The following SMARCA2 variants were observed in gnomAD, a reference collection of about 807,000 sequenced individuals.
SMARCA2 encodes the protein SWI/SNF related BAF chromatin remodeling complex subunit ATPase 2.
A neutral mutation model predicts 199.8 loss-of-function variants in SMARCA2; 61 were observed. The observed-to-expected ratio is 0.31, with a 90% confidence interval of 0.25 to 0.38. The LOEUF is 0.38. SMARCA2 is among the 10% of genes least tolerant of loss of function. SMARCA2 has a pLI of 1.00. For missense variants in SMARCA2, 1,344 were observed against 2,012.2 expected, an observed-to-expected ratio of 0.67 and a Z score of 6.35; for synonymous variants, 935 against 732.0, an observed-to-expected ratio of 1.28 and a Z score of -4.48.
intron 27 of SMARCA2, among the ~76,000 whole-genome samples, chr9:2,139,928 A>C (rs143278754): frequency 6.6e-6 from 1 of 152,244 alleles, no homozygotes; most frequent in African/African-American, 2.4e-5. Context: ...TCATCCTTGC[A>C]TGAAGGTTAA....
intron 28 of SMARCA2, among the ~76,000 whole-genome samples, chr9:2,168,770 T>C (rs924595841): frequency 5.3e-5 from 8 of 152,226 alleles, no homozygotes; most frequent in Non-Finnish European, 8.8e-5. Context: ...TATTTTTTTT[T>C]CCCCAAGCCA....
chr9:2,032,897 A>T lies in SMARCA2; in HGVS notation c.226-55A>T, dbSNP rs557073252. On this transcript the variant is annotated intron_variant, in intron 2 of 33. Coordinates refer to ENST00000349721, the MANE Select transcript of SMARCA2 (RefSeq NM_003070.5). Reference sequence around the variant, plus strand: ...TTAGGAAGGGGTCTGAAAACTCCAAATAGAAATATTTTACCTTATAGAGGT... The same window carrying T: ...TTAGGAAGGGGTCTGAAAACTCCAATTAGAAATATTTTACCTTATAGAGGT... 24 of 1,545,358 alleles carry T rather than the reference A, an allele frequency of 1.6e-5. No homozygotes were observed. In the African/African-American group the frequency reaches 2.5e-4, roughly 16 times the overall value.
At chr9:2,132,710 A>G (rs1322655869) in intron 27 of SMARCA2, among the ~76,000 whole-genome samples, 1 of 152,248 alleles carries the variant, frequency 6.6e-6, no homozygotes, top group Non-Finnish European at 1.5e-5. Flanking sequence ...CCTAGAAAAT[A>G]GATTTGGGTT....
chr9:2,094,620 T>C (rs997855822), intron 19 of SMARCA2, among the ~76,000 whole-genome samples: 3 of 152,112 alleles, frequency 2.0e-5, no homozygotes, highest in Non-Finnish European at 4.4e-5. Context: ...CTTAAAAGAG[T>C]GGATTCTATT....
chr9:2,111,735 T>C (rs1314832057), intron 24 of SMARCA2, among the ~76,000 whole-genome samples: 1 of 152,146 alleles, frequency 6.6e-6, no homozygotes, highest in Non-Finnish European at 1.5e-5. Flanking sequence ...GCCTGCTTTC[T>C]GTTCCCTGCC....
chr9:2,148,122 A>G (rs1824862449), intron 27 of SMARCA2, among the ~76,000 whole-genome samples: 1 of 151,720 alleles, frequency 6.6e-6, no homozygotes, highest in Admixed American at 6.6e-5. Flanking sequence ...AAAGAAACTC[A>G]CCTTTTTGGA....
intron 17 of SMARCA2, chr9:2,085,990 G>A (rs984181300): frequency 2.0e-5 from 3 of 152,228 alleles, no homozygotes; most frequent in African/African-American, 2.4e-5. Flanking sequence ...GGAGGACTGG[G>A]CCATATAAGC....
Position 2,118,038 on chromosome 9 carries a change from G to T in SMARCA2, c.3685-1420G>T, listed in dbSNP as rs1823286308. ...TTCCAGCTATTTGGTTTTCCATGAA[G>T]GTCATAAACAGGCACTTTACAAGAG... On this transcript the variant is annotated intron_variant, in intron 25 of 33. Transcript: ENST00000349721. Among the ~76,000 whole-genome samples the T allele has an allele frequency of 3.3e-5, 5 of 152,188 alleles. 1 individual carries two copies. Among genetic ancestry groups the T allele is most frequent in the Admixed American group, 3.3e-4 (5 of 15,280 alleles).
chr9:2,091,896 C>T (rs777236585), intron 19 of SMARCA2, among the ~76,000 whole-genome samples: 52 of 152,190 alleles, frequency 3.4e-4, no homozygotes, highest in Non-Finnish European at 7.1e-4. Context: ...GAAACTAAAG[C>T]AGGTATATAA....
At position 2,056,559 on chromosome 9, in the gene SMARCA2, T is replaced by G. The variant is rs1820362859; in HGVS notation, c.1174-113T>G. 3 of 874,864 alleles carry G rather than the reference T, an allele frequency of 3.4e-6. No homozygotes were observed. Among genetic ancestry groups the G allele is most frequent in the Non-Finnish European group, 5.2e-6 (3 of 580,092 alleles). 54.2% of individuals were successfully genotyped at this position (874,864 alleles called of 1,614,324 possible). ...TACAAACCAAAGGTGATTGAGAAGC[T>G]TGTGGAGATTCCCCGCCCCACTCTA... On this transcript the variant is annotated intron_variant, in intron 6 of 33. Transcript: ENST00000349721. This position sits in a 1 kb window ranked among gnomAD's most constrained non-coding sequence, Gnocchi z 4.0.
Position 2,096,759 on chromosome 9 carries a change from A to C in SMARCA2, c.2986A>C (p.Lys996Gln). 1 of 1,601,060 alleles carries C rather than the reference A, an allele frequency of 6.2e-7. No individual in the cohort carries two copies. Among genetic ancestry groups the C allele is most frequent in the Non-Finnish European group, 8.6e-7 (1 of 1,168,040 alleles). ...ILLTDGSEKD[K>Q]KGKGGAKTLM... ...TCTCACAGATGGTTCTGAGAAAGATAAGAAGGTACGTTGCGAAAGATGATG... is the reference window on the plus strand; with the variant it reads ...TCTCACAGATGGTTCTGAGAAAGATCAGAAGGTACGTTGCGAAAGATGATG... Residue 996 changes from lysine to glutamine, a missense_variant, in exon 20 of 34, where the codon AAG (lysine) becomes CAG (glutamine). Lys to Gln is a moderately conservative substitution (Grantham distance 53). This residue lies in a region of SMARCA2 where 98 missense variants were observed against 245.6 expected (regional missense o/e 0.40). Transcript: ENST00000349721.
chr9:2,089,758 G>A (rs965921812), intron 19 of SMARCA2, among the ~76,000 whole-genome samples: 3 of 152,190 alleles, frequency 2.0e-5, no homozygotes, highest in Non-Finnish European at 4.4e-5. Flanking sequence ...TCAAGATGGA[G>A]TTTAGTTACT....
At position 2,170,273 on chromosome 9, in the gene SMARCA2, A is replaced by C; in HGVS notation, c.4200-146A>C. The C allele has an allele frequency of 1.0e-6, 1 of 958,278 alleles. No homozygotes were observed. Among genetic ancestry groups the C allele is most frequent in the African/African-American group, 1.7e-5 (1 of 60,484 alleles). The allele number at this position is 958,278 out of a possible 1,614,324, so 59.4% of individuals were successfully genotyped here. On this transcript the variant is annotated intron_variant, in intron 28 of 33. Coordinates refer to ENST00000349721, the MANE Select transcript of SMARCA2 (RefSeq NM_003070.5). This position sits in a 1 kb window ranked among gnomAD's most constrained non-coding sequence, Gnocchi z 4.7. ...ATGTTATTTTTCCGAATGAGGTTCC[A>C]AACATAACCCCGTGTAATCTTCCTA...
At chr9:2,088,431 C>A in intron 18 of SMARCA2, 69 bp from the exon 19 acceptor site, 1 of 1,508,356 alleles carries the variant, frequency 6.6e-7, no homozygotes, top group South Asian at 1.3e-5. Context: ...ACATATGTAA[C>A]ATAAAGCTTT....
chr9:2,039,994 C>T lies in SMARCA2; in HGVS notation c.790+94C>T. 1 of 1,551,012 alleles carries T rather than the reference C, an allele frequency of 6.4e-7. No homozygotes were observed. The highest frequency in any genetic ancestry group is 1.2e-5 in the South Asian group (1 of 81,952). ...ACACCGGGTTGTTAAAAGCCCGGGGCTGACGTAGCCTTTTGTTATACCTCA... is the reference window on the plus strand; with the variant it reads ...ACACCGGGTTGTTAAAAGCCCGGGGTTGACGTAGCCTTTTGTTATACCTCA... On this transcript the variant is annotated intron_variant, in intron 4 of 33. Transcript: ENST00000349721. The surrounding 1 kb of genome is among the most constrained non-coding windows in gnomAD (Gnocchi z 4.8).
chr9:2,060,235 T>TA (rs1297742686), intron 8 of SMARCA2, among the ~76,000 whole-genome samples: 1 of 152,030 alleles, frequency 6.6e-6, no homozygotes, highest in Non-Finnish European at 1.5e-5. Flanking sequence ...CATTATTTGT[T>TA]AAAAGCCCAT....
chr9:2,060,750 G>T, intron 8 of SMARCA2, 66 bp from the exon 9 acceptor site: 1 of 1,455,622 alleles, frequency 6.9e-7, no homozygotes. Context: ...GGGGAGGACA[G>T]AGTGGAGAGT....
chr9:2,182,080 A>T, intron 30 of SMARCA2, 61 bp from the exon 31 acceptor site: 2 of 1,059,480 alleles, frequency 1.9e-6, no homozygotes, highest in Non-Finnish European at 3.0e-6. Flanking sequence ...TTAACTAAGT[A>T]ATGATCGCTG....
chr9:2,163,646 T>A (rs1177247563), intron 28 of SMARCA2, among the ~76,000 whole-genome samples: 4 of 152,214 alleles, frequency 2.6e-5, no homozygotes, highest in Non-Finnish European at 5.9e-5. Context: ...TTTTTGCCTT[T>A]GTCTCAGGAG....
Sources: gnomAD v4.1 joint callset for allele counts (sites outside exome capture counted in the v4.1 genomes callset) on GRCh38, gnomAD v4.1.1 for gene constraint, gnomAD v4.1.1 regional missense constraint, Gnocchi (gnomAD v3.1) non-coding constraint, MANE v1.5 for transcripts, NCBI Gene and HGNC (gene_info 2026-07-23, HGNC 2026-07-21) for gene names.